Variants in GPC6 observed in about 807,000 individuals in gnomAD.
GPC6 encodes the protein glypican-6.
In GPC6, 14 loss-of-function variants were observed where a neutral mutation model predicts 55.2. The ratio of observed to expected loss-of-function variants is 0.25; its 90% CI spans 0.17 to 0.40. The LOEUF (loss-of-function observed/expected upper bound fraction) is 0.40. Among genes scored for constraint, GPC6 ranks in the 10% least tolerant of loss-of-function variants. The probability of loss-of-function intolerance (pLI) is 1.00; values close to 1 mark genes in which losing one functional copy is unlikely to be tolerated. For missense variants in GPC6, 641 were observed against 708.5 expected, an observed-to-expected ratio of 0.90 and a Z score of 1.08; for synonymous variants, 278 against 259.6, an observed-to-expected ratio of 1.07 and a Z score of -0.68.
At chr13:93,554,853 C>T (rs1268325041) in intron 2 of GPC6, among the ~76,000 whole-genome samples, 1 of 152,178 alleles carries the variant, frequency 6.6e-6, no homozygotes, top group African/African-American at 2.4e-5. Flanking sequence ...TTAAAAATCA[C>T]TCATCACAGT....
intron 1 of GPC6, among the ~76,000 whole-genome samples, chr13:93,484,239 A>G (rs1879621040): frequency 1.3e-5 from 2 of 152,138 alleles, no homozygotes; most frequent in African/African-American, 4.8e-5. Context: ...TTAATAACAG[A>G]TATCATTTTC....
chr13:93,656,413 A>G (rs1022251899), intron 2 of GPC6, among the ~76,000 whole-genome samples: 7 of 152,180 alleles, frequency 4.6e-5, no homozygotes, highest in South Asian at 4.1e-4. Context: ...CATCATTACT[A>G]TAATGCTATC....
intron 1 of GPC6, among the ~76,000 whole-genome samples, chr13:93,462,473 G>C (rs549067697): frequency 6.6e-6 from 1 of 152,144 alleles, no homozygotes; most frequent in East Asian, 1.9e-4. Context: ...CATTAGGATT[G>C]GAAGGCAGAT....
chr13:93,379,956 C>T, intron 1 of GPC6, among the ~76,000 whole-genome samples: 1 of 58,538 alleles, frequency 1.7e-5, no homozygotes, highest in East Asian at 8.3e-4. Flanking sequence ...TAAATTCTGT[C>T]TCAAAAAAAA....
At chr13:93,675,876 G>A (rs1881566594) in intron 2 of GPC6, among the ~76,000 whole-genome samples, 1 of 151,944 alleles carries the variant, frequency 6.6e-6, no homozygotes, top group East Asian at 1.9e-4. Flanking sequence ...GAGAGATGTT[G>A]AGTAATTTTT....
chr13:94,263,295 C>G (rs901606436), intron 4 of GPC6, among the ~76,000 whole-genome samples: 1 of 152,218 alleles, frequency 6.6e-6, no homozygotes, highest in African/African-American at 2.4e-5. Flanking sequence ...CTTCCATTTG[C>G]AGATGTAAAT....
chr13:93,647,872 C>A (rs912612737), intron 2 of GPC6, among the ~76,000 whole-genome samples: 8 of 152,150 alleles, frequency 5.3e-5, no homozygotes, highest in Non-Finnish European at 8.8e-5. Flanking sequence ...CATGAGTGAA[C>A]TGGCTACCAC....
chr13:93,230,295 T>C (rs1473094842), intron 1 of GPC6, among the ~76,000 whole-genome samples: 2 of 152,164 alleles, frequency 1.3e-5, no homozygotes, highest in African/African-American at 4.8e-5. Flanking sequence ...GAACTCACAA[T>C]TGTGAAATAG....
chr13:93,908,245 G>A (rs1405183175), intron 3 of GPC6, among the ~76,000 whole-genome samples: 1 of 152,158 alleles, frequency 6.6e-6, no homozygotes, highest in East Asian at 1.9e-4. Context: ...CAGATTAAAA[G>A]AGAAAGGAAT....
intron 2 of GPC6, among the ~76,000 whole-genome samples, chr13:93,822,501 G>A (rs1284491085): frequency 6.6e-6 from 1 of 151,962 alleles, no homozygotes; most frequent in African/African-American, 2.4e-5. Flanking sequence ...GAATATGCAC[G>A]TTTGTTACAT....
chr13:94,057,457 G>C (rs1192711328), intron 4 of GPC6, among the ~76,000 whole-genome samples: 2 of 152,132 alleles, frequency 1.3e-5, no homozygotes, highest in East Asian at 3.8e-4. Context: ...GTGCTAACTA[G>C]GATTATGTTT....
intron 3 of GPC6, among the ~76,000 whole-genome samples, chr13:93,853,679 CT>C (rs1206757930): frequency 4.6e-5 from 7 of 151,718 alleles, no homozygotes; most frequent in South Asian, 4.2e-4. Context: ...ATAATTGTAT[CT>C]TTATGAAGTA....
chr13:93,260,200 T>C (rs1451539555), intron 1 of GPC6, among the ~76,000 whole-genome samples: 2 of 152,140 alleles, frequency 1.3e-5, no homozygotes, highest in Non-Finnish European at 2.9e-5. Flanking sequence ...TTTTAGTAAA[T>C]ATTAACTTGT....
chr13:93,548,393 C>A (rs577039935), intron 2 of GPC6, among the ~76,000 whole-genome samples: 1 of 152,120 alleles, frequency 6.6e-6, no homozygotes, highest in Non-Finnish European at 1.5e-5. Context: ...TACATGTGAT[C>A]CAGTCCAAGA....
chr13:93,663,195 A>AT, intron 2 of GPC6, among the ~76,000 whole-genome samples: 1 of 152,072 alleles, frequency 6.6e-6, no homozygotes, highest in Non-Finnish European at 1.5e-5. Flanking sequence ...ACTTATTATA[A>AT]TTTTTTTTCC....
At chr13:93,676,153 A>G (rs1157901433) in intron 2 of GPC6, among the ~76,000 whole-genome samples, 2 of 20,378 alleles carry the variant, frequency 9.8e-5, no homozygotes, top group Non-Finnish European at 5.5e-4. Context: ...ATATATATAT[A>G]TATATATATA....
At chr13:93,385,233 T>C (rs572541654) in intron 1 of GPC6, among the ~76,000 whole-genome samples, 111 of 152,148 alleles carry the variant, frequency 7.3e-4, no homozygotes, top group African/African-American at 2.6e-3. Context: ...CAGAAACTGG[T>C]AGCAGGACAG....
At chr13:93,705,340 G>C (rs1882813444) in intron 2 of GPC6, among the ~76,000 whole-genome samples, 1 of 151,872 alleles carries the variant, frequency 6.6e-6, no homozygotes, top group African/African-American at 2.4e-5. Context: ...TAGAAATTGA[G>C]AGAAAATGTT....
chr13:93,717,970 A>G (rs1594397270), intron 2 of GPC6, among the ~76,000 whole-genome samples: 1 of 151,854 alleles, frequency 6.6e-6, no homozygotes, highest in East Asian at 1.9e-4. Context: ...ATAGTATTCC[A>G]TGGTATATAT....
Sources: allele counts gnomAD v4.1 joint callset (sites outside exome capture counted in the v4.1 genomes callset), GRCh38; gene constraint gnomAD v4.1.1; transcripts MANE v1.5; gene names NCBI Gene and HGNC (gene_info 2026-07-23, HGNC 2026-07-21).